DOCK9: variants seen among roughly 807,000 people sequenced by gnomAD.
DOCK9 encodes dedicator of cytokinesis 9.
DOCK9 carries 89 observed loss-of-function variants against 263.3 expected under a neutral mutation model. The observed-to-expected ratio is 0.34, with a 90% CI of 0.28 to 0.40. The LOEUF (loss-of-function observed/expected upper bound fraction) is 0.40. Among genes scored for constraint, DOCK9 ranks in the 10% least tolerant of loss-of-function variants. DOCK9 has a pLI of 1.00. For missense variants in DOCK9, 2,140 were observed against 2,603.4 expected, an observed-to-expected ratio of 0.82 and a Z score of 3.87; for synonymous variants, 976 against 973.1, an observed-to-expected ratio of 1.00 and a Z score of -0.06.
chr13:98,875,037 G>GTA (rs1278087064), intron 27 of DOCK9, among the ~76,000 whole-genome samples: 2 of 152,032 alleles, frequency 1.3e-5, no homozygotes, highest in Non-Finnish European at 2.9e-5. Flanking sequence ...CTAGATTGTG[G>GTA]TATCCTGCAA....
intron 1 of DOCK9, among the ~76,000 whole-genome samples, chr13:99,058,699 C>T (rs975826652): frequency 9.9e-5 from 15 of 152,160 alleles, no homozygotes; most frequent in Admixed American, 8.5e-4. Flanking sequence ...TAAGGCCACA[C>T]TGTAGAAGGT....
intron 4 of DOCK9, among the ~76,000 whole-genome samples, chr13:98,925,436 C>A (rs1258677674): frequency 6.6e-6 from 1 of 151,784 alleles, no homozygotes; most frequent in Non-Finnish European, 1.5e-5. Flanking sequence ...TTTTTAAAAA[C>A]ATAAAATTTA....
intron 32 of DOCK9, among the ~76,000 whole-genome samples, chr13:98,861,343 C>G (rs143530100): frequency 6.6e-6 from 1 of 152,146 alleles, no homozygotes; most frequent in African/African-American, 2.4e-5. Flanking sequence ...GACGGAGGGA[C>G]AGAAACATAC....
chr13:98,906,502 A>T (rs1287293254), intron 9 of DOCK9, among the ~76,000 whole-genome samples: 2 of 152,174 alleles, frequency 1.3e-5, no homozygotes, highest in Non-Finnish European at 2.9e-5. Flanking sequence ...CACTACTCTC[A>T]GTCTCCACAG....
At chr13:99,008,212 C>CTCTATA (rs1433985064) in intron 1 of DOCK9, among the ~76,000 whole-genome samples, 123 of 79,146 alleles carry the variant, frequency 1.6e-3, no homozygotes, top group African/African-American at 4.1e-3. Context: ...CTCTCTCTCT[C>CTCTATA]TATATATATA....
chr13:98,930,714 G>T (rs1423103850), intron 2 of DOCK9, among the ~76,000 whole-genome samples: 1 of 151,800 alleles, frequency 6.6e-6, no homozygotes, highest in Non-Finnish European at 1.5e-5. Flanking sequence ...GCGGGATCTC[G>T]GCTCACTGCA....
chr13:98,901,190 C>T (rs1343213189), intron 13 of DOCK9, among the ~76,000 whole-genome samples: 1 of 152,184 alleles, frequency 6.6e-6, no homozygotes, highest in Non-Finnish European at 1.5e-5. Context: ...GACTAGATGA[C>T]CTCTAATATT....
At chr13:99,082,110 T>C (rs928800666) in intron 1 of DOCK9, among the ~76,000 whole-genome samples, 1 of 152,070 alleles carries the variant, frequency 6.6e-6, no homozygotes, top group African/African-American at 2.4e-5. Context: ...TCCCAGCTAC[T>C]CTGGAGGCTG....
At position 99,043,857 on chromosome 13, in the gene DOCK9, C is replaced by T. The variant is rs1028352289; in HGVS notation, c.129+42366G>A. 2.6e-5 allele frequency among the ~76,000 whole-genome samples: 4 copies of T among 152,124 alleles called. No individual in the cohort carries two copies. In the South Asian group the frequency reaches 8.3e-4, roughly 32 times the overall value. Reference sequence around the variant, plus strand: ...AGTGTTTGCTTGTCCCCGCCCACTGCCCTACATATGCCACTACTGTAGGCA... The same window carrying T: ...AGTGTTTGCTTGTCCCCGCCCACTGTCCTACATATGCCACTACTGTAGGCA... On this transcript the variant is annotated intron_variant, in intron 1 of 32. Coordinates refer to the DOCK9 transcript ENST00000427887.
At chr13:98,963,000 T>A (rs2058821056) in intron 1 of DOCK9, among the ~76,000 whole-genome samples, 1 of 152,140 alleles carries the variant, frequency 6.6e-6, no homozygotes, top group Admixed American at 6.5e-5. Context: ...GGGACACTGC[T>A]CACAGAGGGT....
intron 1 of DOCK9, among the ~76,000 whole-genome samples, chr13:98,970,877 A>C (rs2059667114): frequency 6.6e-6 from 1 of 151,998 alleles, no homozygotes; most frequent in Non-Finnish European, 1.5e-5. Flanking sequence ...TGCTAACTCC[A>C]AATTTTTGAT....
chr13:98,996,027 G>C (rs1595861736), intron 1 of DOCK9, among the ~76,000 whole-genome samples: 3 of 152,140 alleles, frequency 2.0e-5, no homozygotes, highest in Non-Finnish European at 4.4e-5. Context: ...AGCCATGGCA[G>C]GCATATTGAG....
intron 35 of DOCK9, 50 bp from the exon 36 acceptor site, chr13:98,850,163 T>G: frequency 7.9e-7 from 1 of 1,265,776 alleles, no homozygotes. Flanking sequence ...ATATACATTA[T>G]GGAGAATCAC....
intron 2 of DOCK9, among the ~76,000 whole-genome samples, chr13:98,940,294 C>T (rs1421024822): frequency 2.0e-5 from 3 of 152,162 alleles, no homozygotes; most frequent in African/African-American, 7.2e-5. Flanking sequence ...AGGAGCAAAG[C>T]ATAGGACAGA....
intron 11 of DOCK9, among the ~76,000 whole-genome samples, chr13:98,902,704 A>G (rs1248601192): frequency 6.6e-6 from 1 of 152,230 alleles, no homozygotes; most frequent in Non-Finnish European, 1.5e-5. Flanking sequence ...TTGCTACGTA[A>G]TGTATGTTCC....
intron 1 of DOCK9, among the ~76,000 whole-genome samples, chr13:99,061,601 T>TGTA (rs1294486817): frequency 2.0e-5 from 3 of 152,038 alleles, no homozygotes; most frequent in African/African-American, 7.2e-5. Flanking sequence ...CAACAGAAGG[T>TGTA]GTAGTATCAA....
chr13:98,837,046 A>G (rs1302994998), intron 39 of DOCK9, among the ~76,000 whole-genome samples: 2 of 152,220 alleles, frequency 1.3e-5, no homozygotes, highest in Non-Finnish European at 2.9e-5. Context: ...TTCTATCTCC[A>G]AAACGTTTTT....
chr13:99,043,434 A>G (rs1292447690), intron 1 of DOCK9, among the ~76,000 whole-genome samples: 1 of 152,096 alleles, frequency 6.6e-6, no homozygotes, highest in African/African-American at 2.4e-5. Context: ...AATCCTAGGT[A>G]GGCTCTCTTC....
At chr13:99,086,351 T>C in exon 1 of DOCK9, 1 of 1,424,102 alleles carries the variant, frequency 7.0e-7, no homozygotes, top group Non-Finnish European at 9.2e-7. Flanking sequence ...GGCTGCGACA[T>C]CCTCCTGCCC....
Sources: allele counts gnomAD v4.1 joint callset (sites outside exome capture counted in the v4.1 genomes callset), GRCh38; gene constraint gnomAD v4.1.1; transcripts MANE v1.5; gene names NCBI Gene and HGNC (gene_info 2026-07-23, HGNC 2026-07-21).